Variants in ESR2 observed in about 807,000 individuals in gnomAD.
ESR2 encodes the protein estrogen receptor 2, also known as estrogen receptor beta.
In ESR2, 36 loss-of-function variants were observed where a neutral mutation model predicts 49.6. The ratio of observed to expected loss-of-function variants is 0.73; its 90% CI spans 0.56 to 0.96. The LOEUF is 0.96. ESR2 is among the 40% of genes least tolerant of loss of function. The probability of loss-of-function intolerance (pLI) is 0.00; values close to 1 mark genes in which losing one functional copy is unlikely to be tolerated. For synonymous variants in ESR2, 320 were observed against 266.1 expected (o/e 1.20, Z -1.97); for missense variants, 714 against 693.0 (o/e 1.03, Z -0.34).
chr14:64,265,975 T>C (rs1311551871), intron 4 of ESR2, among the ~76,000 whole-genome samples: 6 of 152,170 alleles, frequency 3.9e-5, no homozygotes, highest in African/African-American at 7.2e-5. Flanking sequence ...GTTAAGAAAG[T>C]TCATCTCTAA....
chr14:64,240,407 A>T (rs1196875536), intron 7 of ESR2, among the ~76,000 whole-genome samples: 1 of 152,062 alleles, frequency 6.6e-6, no homozygotes, highest in Non-Finnish European at 1.5e-5. Context: ...TCCTCTCCTG[A>T]CCCTTATCCT....
chr14:64,329,975 C>T (rs2077436201), intron 1 of ESR2: 1 of 151,724 alleles, frequency 6.6e-6, no homozygotes, highest in Admixed American at 6.6e-5. Flanking sequence ...CCCATCTCTA[C>T]TAAAAATACA....
intron 1 of ESR2, among the ~76,000 whole-genome samples, chr14:64,333,390 T>A (rs1226605350): frequency 1.3e-5 from 2 of 152,192 alleles, no homozygotes; most frequent in Non-Finnish European, 2.9e-5. Context: ...ATCCTTGACA[T>A]CGTATTTCAG....
intron 3 of ESR2, among the ~76,000 whole-genome samples, chr14:64,273,116 T>C (rs1388951833): frequency 6.6e-6 from 1 of 151,512 alleles, no homozygotes; most frequent in African/African-American, 2.4e-5. Flanking sequence ...CTACTGTAAA[T>C]GAGATCACTT....
rs2098727063 is a variant in ESR2, at chr14:64,231,340, TTCTA to T, written c.*1793_*1796del. ...AAACCCCTCTATTGGGAGTGGGGGA[TTCTA>T]GGCTGACCAGGAGGAAAGAAGCTGA... On this transcript the variant is annotated 3_prime_UTR_variant, in exon 9 of 9. Transcript: ENST00000341099. The T allele has an allele frequency of 6.6e-6, 1 of 152,118 alleles. No homozygotes were observed. The highest frequency in any genetic ancestry group is 1.5e-5 in the Non-Finnish European group (1 of 68,016). 9.4% of individuals were successfully genotyped at this position (152,118 alleles called of 1,614,324 possible). A position where few individuals can be genotyped will look rare whatever the true frequency, so the allele number is the denominator to read the frequency against.
intron 1 of ESR2, among the ~76,000 whole-genome samples, chr14:64,314,827 G>A (rs866515192): frequency 2.7e-4 from 29 of 108,274 alleles, no homozygotes; most frequent in Non-Finnish European, 4.7e-4. Flanking sequence ...GCAGTGAGCC[G>A]AGATCACACT....
rs547700691 is a variant in ESR2 at position 64,258,335 on chromosome 14, T to C, written c.953-971A>G. Among the ~76,000 whole-genome samples, 8 of 152,248 alleles carry C rather than the reference T, an allele frequency of 5.3e-5. 1 individual carries two copies. In the South Asian group the frequency reaches 1.7e-3, roughly 32 times the overall value. On this transcript the variant is annotated intron_variant, in intron 5 of 8. Transcript: ENST00000341099. ...GGTAATCTCTGGGGAGGGAAGCACT[T>C]CAAAAGCAAAGCAGAGAACACCGGG...
chr14:64,272,022 C>G (rs1165349106), intron 3 of ESR2, among the ~76,000 whole-genome samples: 1 of 152,218 alleles, frequency 6.6e-6, no homozygotes, highest in Non-Finnish European at 1.5e-5. Flanking sequence ...ATCTGACCAA[C>G]AGTATACCAG....
upstream of ESR2, among the ~76,000 whole-genome samples, chr14:64,298,118 T>C (rs1272066673): frequency 1.3e-5 from 2 of 152,338 alleles, no homozygotes; most frequent in East Asian, 1.9e-4. Context: ...GATTTGACAT[T>C]TGAAACTTGA....
intron 6 of ESR2, among the ~76,000 whole-genome samples, chr14:64,251,307 C>CA (rs11297817): frequency 0.012 from 1,524 of 124,294 alleles, 13 homozygotes; most frequent in Middle Eastern, 0.023. Context: ...CTCTATGGGG[C>CA]AAAAAAAAAA....
chr14:64,255,014 G>A (rs1181682873), intron 6 of ESR2, among the ~76,000 whole-genome samples: 2 of 151,944 alleles, frequency 1.3e-5, no homozygotes, highest in African/African-American at 2.4e-5. Flanking sequence ...TTAACTAAAA[G>A]GTAGGCCTAA....
Position 64,229,599 on chromosome 14 carries a change from ATATTTTTC to A in ESR2, c.*3530_*3537del, listed in dbSNP as rs1411598178. Reference sequence around the variant, plus strand: ...ACCTGATAGATTCTGCAGTTTTAAAATATTTTTCTTTAAATTTTTAAACTGTTTGAAGT... The same window carrying A: ...ACCTGATAGATTCTGCAGTTTTAAAATTTAAATTTTTAAACTGTTTGAAGT... On this transcript the variant is annotated 3_prime_UTR_variant, in exon 9 of 9. Transcript: ENST00000341099. 2.0e-5 allele frequency among the ~76,000 whole-genome samples: 3 copies of A among 152,200 alleles called. No homozygotes were observed. The highest frequency in any genetic ancestry group is 2.9e-5 in the Non-Finnish European group (2 of 68,042).
chr14:64,299,330 A>G (rs541928828), upstream of ESR2, among the ~76,000 whole-genome samples: 4 of 151,906 alleles, frequency 2.6e-5, no homozygotes, highest in South Asian at 2.1e-4. Context: ...GAAAGTTACT[A>G]TAACTGCCTC....
At chr14:64,280,691 A>C (rs2076648861) in intron 2 of ESR2, among the ~76,000 whole-genome samples, 1 of 152,210 alleles carries the variant, frequency 6.6e-6, no homozygotes, top group Admixed American at 6.5e-5. Flanking sequence ...CACACTCTGC[A>C]ATTTCAGATA....
chr14:64,275,047 T>C (rs2076530509), intron 3 of ESR2, among the ~76,000 whole-genome samples: 1 of 152,234 alleles, frequency 6.6e-6, no homozygotes, highest in East Asian at 1.9e-4. Flanking sequence ...ATCCATGTGC[T>C]GAGGAAAAGA....
At chr14:64,325,447 G>C (rs1040516300) in intron 1 of ESR2, among the ~76,000 whole-genome samples, 1 of 152,296 alleles carries the variant, frequency 6.6e-6, no homozygotes, top group African/African-American at 2.4e-5. Flanking sequence ...TTTTTTAAGA[G>C]AATGGAGAGT....
chr14:64,259,558 T>G (rs2140722052), intron 5 of ESR2, among the ~76,000 whole-genome samples: 1 of 152,274 alleles, frequency 6.6e-6, no homozygotes, highest in South Asian at 2.1e-4. Flanking sequence ...CAAATGATAA[T>G]TAGCTGGTAA....
chr14:64,275,061 T>A (rs1017598229), intron 3 of ESR2, among the ~76,000 whole-genome samples: 8 of 152,222 alleles, frequency 5.3e-5, no homozygotes, highest in African/African-American at 1.4e-4. Flanking sequence ...GAAAAGAATG[T>A]GTATGTTGCA....
In ESR2 at chr14:64,260,756, G is replaced by C; in HGVS notation, c.653-8C>G. On this transcript the variant is annotated splice_region_variant and splice_polypyrimidine_tract_variant and intron_variant, in intron 4 of 8. Coordinates refer to ENST00000341099, the MANE Select transcript of ESR2 (RefSeq NM_001437.3). ...ATCTCTCTCTCCGGGAGCCTGAAGA[G>C]GAAAGCAGAGTCATTCGAATTGCCA... The C allele has an allele frequency of 2.1e-6, 3 of 1,461,426 alleles. No homozygotes were observed. Among genetic ancestry groups the C allele is most frequent in the Non-Finnish European group, 2.7e-6 (3 of 1,106,100 alleles). The allele number at this position is 1,461,426 out of a possible 1,614,324, so 90.5% of individuals were successfully genotyped here. A position where few individuals can be genotyped will look rare whatever the true frequency, so the allele number is the denominator to read the frequency against.
Sources: gnomAD v4.1 joint callset for allele counts (sites outside exome capture counted in the v4.1 genomes callset) on GRCh38, gnomAD v4.1.1 for gene constraint, MANE v1.5 for transcripts, NCBI Gene and HGNC (gene_info 2026-07-23, HGNC 2026-07-21) for gene names.